Variants in AFG2A observed in about 807,000 individuals in gnomAD.
AFG2A encodes AAA ATPase AFG2A.
chr4:123,239,123 G>A, the AFG2A span, among the ~76,000 whole-genome samples: 6 of 152,130 alleles, frequency 3.9e-5, 1 homozygote, highest in Admixed American at 2.6e-4. Context: ...GAAGCGAGAA[G>A]AGAAGTTTAG....
At chr4:123,305,451 A>G in the AFG2A span, among the ~76,000 whole-genome samples, 503 of 152,306 alleles carry the variant, frequency 3.3e-3, 5 homozygotes, top group African/African-American at 0.011. Context: ...TAGCGAGGAC[A>G]TGCTGACGCT....
chr4:123,130,491 C>A, the AFG2A span, among the ~76,000 whole-genome samples: 1 of 152,182 alleles, frequency 6.6e-6, no homozygotes, highest in Non-Finnish European at 1.5e-5. Flanking sequence ...TGCCCATTTC[C>A]CAAATGTCAT....
the AFG2A span, among the ~76,000 whole-genome samples, chr4:123,249,676 C>T: frequency 6.6e-6 from 1 of 152,108 alleles, no homozygotes. Flanking sequence ...TGTGCCATAG[C>T]TGAGCTTACA....
chr4:123,215,031 A>T, the AFG2A span, among the ~76,000 whole-genome samples: 3 of 152,030 alleles, frequency 2.0e-5, no homozygotes, highest in Non-Finnish European at 4.4e-5. Context: ...CATCAACTGT[A>T]ATTCATTTTG....
the AFG2A span, among the ~76,000 whole-genome samples, chr4:123,166,726 G>T: frequency 6.6e-6 from 1 of 151,986 alleles, no homozygotes; most frequent in Non-Finnish European, 1.5e-5. Flanking sequence ...ATTAATTTTC[G>T]GTTCCTTGAA....
At chr4:123,286,730 G>T in the AFG2A span, among the ~76,000 whole-genome samples, 1 of 152,050 alleles carries the variant, frequency 6.6e-6, no homozygotes, top group African/African-American at 2.4e-5. Context: ...TTGCTCTGAG[G>T]GCCAGAGTTG....
the AFG2A span, among the ~76,000 whole-genome samples, chr4:123,201,672 A>G: frequency 1.4e-4 from 21 of 152,144 alleles, no homozygotes; most frequent in Non-Finnish European, 2.5e-4. Flanking sequence ...TAATCACAGC[A>G]CTCTGGGAGG....
chr4:123,163,174 G>A, the AFG2A span, among the ~76,000 whole-genome samples: 1,934 of 152,264 alleles, frequency 0.013, 17 homozygotes, highest in African/African-American at 0.019. Flanking sequence ...AGTGGCTCAC[G>A]CCTTTAATTC....
chr4:122,984,495 G>C, the AFG2A span, among the ~76,000 whole-genome samples: 10 of 152,202 alleles, frequency 6.6e-5, no homozygotes, highest in Admixed American at 3.3e-4. Flanking sequence ...ATGATGAAGA[G>C]GAGTGGTGAG....
the AFG2A span, among the ~76,000 whole-genome samples, chr4:122,969,345 A>C: frequency 6.6e-6 from 1 of 151,854 alleles, no homozygotes; most frequent in Non-Finnish European, 1.5e-5. Flanking sequence ...ATGACCATCA[A>C]TTTCTGCCTT....
the AFG2A span, among the ~76,000 whole-genome samples, chr4:123,118,273 A>G: frequency 0.011 from 1,456 of 136,924 alleles, 54 homozygotes; most frequent in Admixed American, 0.077. Context: ...ATGCAAATAT[A>G]TATGCAAATA....
chr4:123,024,762 C>G, the AFG2A span, among the ~76,000 whole-genome samples: 1 of 152,080 alleles, frequency 6.6e-6, no homozygotes, highest in African/African-American at 2.4e-5. Context: ...CATCGAGCAC[C>G]CCGGAGTGTG....
the AFG2A span, among the ~76,000 whole-genome samples, chr4:123,158,200 G>C: frequency 6.6e-6 from 1 of 152,174 alleles, no homozygotes; most frequent in Non-Finnish European, 1.5e-5. Flanking sequence ...TTACAGCTTT[G>C]AGAAGATAAA....
At chr4:122,983,671 G>A in the AFG2A span, among the ~76,000 whole-genome samples, 22 of 152,010 alleles carry the variant, frequency 1.4e-4, no homozygotes, top group African/African-American at 4.4e-4. Context: ...GAAAAGATAC[G>A]TGATATGATT....
chr4:123,053,777 T>A, the AFG2A span, among the ~76,000 whole-genome samples: 1 of 152,192 alleles, frequency 6.6e-6, no homozygotes, highest in Non-Finnish European at 1.5e-5. Flanking sequence ...CTTGTCTTGT[T>A]GGCTCAGAGT....
the AFG2A span, among the ~76,000 whole-genome samples, chr4:123,016,903 C>T: frequency 4.6e-5 from 7 of 152,320 alleles, no homozygotes; most frequent in Middle Eastern, 3.4e-3. Context: ...GCGGATCACT[C>T]GCAGTTCGGA....
the AFG2A span, among the ~76,000 whole-genome samples, chr4:122,979,570 A>G: frequency 2.0e-5 from 3 of 152,212 alleles, no homozygotes; most frequent in Admixed American, 2.0e-4. Context: ...GATTCTGTGT[A>G]TCCTATACCC....
chr4:123,145,330 A>T, the AFG2A span, among the ~76,000 whole-genome samples: 1 of 119,416 alleles, frequency 8.4e-6, no homozygotes, highest in Non-Finnish European at 1.9e-5. Context: ...CATACAGAGT[A>T]AAAGACATAA....
the AFG2A span, among the ~76,000 whole-genome samples, chr4:123,045,921 C>T: frequency 1.3e-5 from 2 of 151,828 alleles, no homozygotes; most frequent in Admixed American, 1.3e-4. Flanking sequence ...CATAGTGGAA[C>T]CCCGTCTCTA....
Sources: allele counts gnomAD v4.1 joint callset (sites outside exome capture counted in the v4.1 genomes callset), GRCh38; gene constraint gnomAD v4.1.1; transcripts MANE v1.5; gene names NCBI Gene and HGNC (gene_info 2026-07-23, HGNC 2026-07-21).